MTUS2: variants seen among roughly 807,000 people sequenced by gnomAD.
MTUS2 encodes microtubule associated scaffold protein 2.
Under a neutral mutation model 114.1 loss-of-function variants are expected in MTUS2, and 40 were observed. The ratio of observed to expected loss-of-function variants is 0.35; its 90% CI spans 0.27 to 0.46. The LOEUF (loss-of-function observed/expected upper bound fraction) is 0.46, where lower values mean the gene tolerates loss of function less well. MTUS2 is among the 20% of genes least tolerant of loss of function. The pLI, the probability that MTUS2 is intolerant of heterozygous loss-of-function variation, is 1.00. For missense variants in MTUS2, 1,679 were observed against 1,705.4 expected (o/e 0.98, Z 0.27); for synonymous variants, 688 against 672.0 (o/e 1.02, Z -0.37).
chr13:29,250,960 G>C (rs753625365), intron 5 of MTUS2, among the ~76,000 whole-genome samples: 1 of 152,176 alleles, frequency 6.6e-6, no homozygotes, highest in Non-Finnish European at 1.5e-5. Flanking sequence ...TGATACTGCT[G>C]TTGGGAACAG....
At chr13:29,124,677 G>C (rs1038841020) in intron 5 of MTUS2, among the ~76,000 whole-genome samples, 1 of 152,186 alleles carries the variant, frequency 6.6e-6, no homozygotes, top group Non-Finnish European at 1.5e-5. Context: ...GGTGGTAACA[G>C]ACCAAGTAAC....
At chr13:29,385,836 T>C (rs759128004) in intron 8 of MTUS2, among the ~76,000 whole-genome samples, 5 of 152,202 alleles carry the variant, frequency 3.3e-5, no homozygotes, top group Non-Finnish European at 5.9e-5. Context: ...GAGAAAGATA[T>C]GACTCATTTT....
intron 5 of MTUS2, among the ~76,000 whole-genome samples, chr13:29,155,916 C>G (rs3011461): frequency 0.079 from 11,961 of 151,974 alleles, 551 homozygotes; most frequent in Non-Finnish European, 0.1. Flanking sequence ...TATTTAACAA[C>G]TAGTATAGCA....
At chr13:29,165,214 T>G (rs1221267332) in intron 5 of MTUS2, among the ~76,000 whole-genome samples, 1 of 152,208 alleles carries the variant, frequency 6.6e-6, no homozygotes, top group African/African-American at 2.4e-5. Context: ...CACTGGGCCT[T>G]TGCATATTCT....
chr13:29,219,129 C>G lies in MTUS2; in HGVS notation c.2645-62575C>G, dbSNP rs866348297. Among the ~76,000 whole-genome samples, 792 of 121,966 alleles carry G rather than the reference C, an allele frequency of 6.5e-3. 9 individuals carry two copies. The highest frequency in any genetic ancestry group is 0.023 in the African/African-American group (728 of 32,068). The allele number at this position is 121,966 out of a possible 152,430, so 80.0% of individuals were successfully genotyped here. ...CAATGCTATCCCTCCCCCCTCCCCC[C>G]ACCCCACCACAGTCCCCAGAGTGTG... On this transcript the variant is annotated intron_variant, in intron 5 of 15. Coordinates refer to ENST00000612955, the MANE Select transcript of MTUS2 (RefSeq NM_001033602.4).
chr13:29,030,401 C>G (rs1478755232), intron 3 of MTUS2, among the ~76,000 whole-genome samples: 1 of 152,168 alleles, frequency 6.6e-6, no homozygotes, highest in Non-Finnish European at 1.5e-5. Context: ...CAGTTTCCCT[C>G]CCTGTATCTG....
intron 8 of MTUS2, among the ~76,000 whole-genome samples, chr13:29,396,747 T>C (rs1359401461): frequency 1.3e-5 from 2 of 152,192 alleles, no homozygotes; most frequent in Admixed American, 1.3e-4. Context: ...AAAACAAGGT[T>C]TTCATCCTTG....
chr13:28,993,782 A>G (rs2138347889), intron 2 of MTUS2, among the ~76,000 whole-genome samples: 1 of 151,874 alleles, frequency 6.6e-6, no homozygotes. Flanking sequence ...TTTTTGTACC[A>G]TATGTTACTG....
intron 2 of MTUS2, among the ~76,000 whole-genome samples, chr13:28,949,836 A>G (rs1882722592): frequency 6.6e-6 from 1 of 152,204 alleles, no homozygotes; most frequent in African/African-American, 2.4e-5. Flanking sequence ...GATATACCAC[A>G]TTTTGTTTAT....
At chr13:28,887,101 G>T (rs1878635902) in intron 2 of MTUS2, among the ~76,000 whole-genome samples, 1 of 152,174 alleles carries the variant, frequency 6.6e-6, no homozygotes, top group Non-Finnish European at 1.5e-5. Context: ...GCTTGAGGAA[G>T]GCTCTGGGTG....
intron 5 of MTUS2, among the ~76,000 whole-genome samples, chr13:29,104,695 C>G (rs1803069283): frequency 6.6e-6 from 1 of 152,178 alleles, no homozygotes; most frequent in South Asian, 2.1e-4. Flanking sequence ...ATTCCCTTAC[C>G]AGTTCGTCAC....
chr13:28,918,103 A>G (rs187115625), intron 2 of MTUS2, among the ~76,000 whole-genome samples: 11 of 152,058 alleles, frequency 7.2e-5, no homozygotes, highest in Admixed American at 4.6e-4. Context: ...CATATGGTCT[A>G]TTTTTGAGAA....
chr13:28,867,849 G>A (rs1877392852), intron 2 of MTUS2, among the ~76,000 whole-genome samples: 1 of 152,136 alleles, frequency 6.6e-6, no homozygotes, highest in Non-Finnish European at 1.5e-5. Flanking sequence ...CAAGGATCCA[G>A]GGCAGTGATT....
intron 7 of MTUS2, among the ~76,000 whole-genome samples, chr13:29,353,693 C>G (rs1015774132): frequency 1.3e-5 from 2 of 152,194 alleles, no homozygotes; most frequent in African/African-American, 4.8e-5. Context: ...CCTTATTAGG[C>G]AGGTACTGAT....
rs145438168 is a variant in MTUS2 at position 28,955,156 on chromosome 13, TCTTTTACC to T, written c.-242-69299_-242-69292del. On this transcript the variant is annotated intron_variant, in intron 2 of 15. Coordinates refer to ENST00000612955, the MANE Select transcript of MTUS2 (RefSeq NM_001033602.4). ...TTGCCCTTTCTAACCTATGACACTGTCTTTTACCCACATGTTACATCTGCGCCCCTGCC... is the reference window on the plus strand; with the variant it reads ...TTGCCCTTTCTAACCTATGACACTGTCACATGTTACATCTGCGCCCCTGCC... Among the ~76,000 whole-genome samples, 37 of 152,294 alleles carry T rather than the reference TCTTTTACC, an allele frequency of 2.4e-4. No homozygotes were observed. The East Asian group carries it at 5.8e-3, about 24-fold the overall frequency.
At chr13:29,198,587 T>G (rs1894801244) in intron 5 of MTUS2, among the ~76,000 whole-genome samples, 1 of 152,192 alleles carries the variant, frequency 6.6e-6, no homozygotes, top group South Asian at 2.1e-4. Flanking sequence ...TTAAAGTAGT[T>G]TTTTCTAATT....
At chr13:29,168,888 C>CTGTGTGTGTGTGTGTGTGTGTGTG (rs57636866) in intron 5 of MTUS2, among the ~76,000 whole-genome samples, 1,483 of 138,436 alleles carry the variant, frequency 0.011, 27 homozygotes, top group Admixed American at 0.015. Context: ...CTTTATGAAT[C>CTGTGTGTGTGTGTGTGTGTGTGTG]TGTGTGTGTG....
intron 2 of MTUS2, among the ~76,000 whole-genome samples, chr13:28,867,676 C>T (rs1877382841): frequency 6.6e-6 from 1 of 152,180 alleles, no homozygotes. Context: ...GTTACTATAT[C>T]TAGCAGAGAG....
intron 2 of MTUS2, among the ~76,000 whole-genome samples, chr13:28,905,715 C>CT (rs1566212700): frequency 6.6e-6 from 1 of 151,432 alleles, no homozygotes; most frequent in Admixed American, 6.6e-5. Context: ...CTAAAATTCT[C>CT]TTTTTTTGTT....
Sources: allele counts gnomAD v4.1 joint callset (sites outside exome capture counted in the v4.1 genomes callset), GRCh38; gene constraint gnomAD v4.1.1; transcripts MANE v1.5; gene names NCBI Gene and HGNC (gene_info 2026-07-23, HGNC 2026-07-21).